The following PRKCA variants were observed in gnomAD, a reference collection of about 807,000 sequenced individuals.
PRKCA encodes the protein protein kinase C alpha type.
Under a neutral mutation model 87.0 loss-of-function variants are expected in PRKCA, and 27 were observed. The observed-to-expected ratio is 0.31, with a 90% CI of 0.23 to 0.43. PRKCA has a LOEUF of 0.43. Among genes scored for constraint, PRKCA ranks in the 20% least tolerant of loss-of-function variants. The pLI is 1.00. For missense variants in PRKCA, 518 were observed against 852.3 expected (o/e 0.61, Z 4.88); for synonymous variants, 329 against 311.1 (o/e 1.06, Z -0.61).
At chr17:66,462,172 G>C (rs533817696) in intron 2 of PRKCA, among the ~76,000 whole-genome samples, 1 of 152,148 alleles carries the variant, frequency 6.6e-6, no homozygotes, top group Non-Finnish European at 1.5e-5. Context: ...GCTGGCTGGT[G>C]CTCTGCGGTT....
chr17:66,784,792 C>T (rs982469041), intron 14 of PRKCA, among the ~76,000 whole-genome samples: 2 of 152,202 alleles, frequency 1.3e-5, no homozygotes, highest in East Asian at 1.9e-4. Context: ...GAAAGCCACA[C>T]GTCCCCCTGA....
At chr17:66,308,874 GCTCT>G (rs1476910589) in intron 2 of PRKCA, among the ~76,000 whole-genome samples, 1 of 144,744 alleles carries the variant, frequency 6.9e-6, no homozygotes, top group East Asian at 2.2e-4. Context: ...TTCTTTTAAT[GCTCT>G]CTAATTTTGT....
chr17:66,530,564 A>C (rs1002118060), intron 3 of PRKCA, among the ~76,000 whole-genome samples: 13 of 152,146 alleles, frequency 8.5e-5, no homozygotes, highest in African/African-American at 3.1e-4. Flanking sequence ...GAGAAAATGA[A>C]TGTTTCCCAG....
chr17:66,618,134 C>T (rs1318028690), intron 3 of PRKCA, among the ~76,000 whole-genome samples: 1 of 152,142 alleles, frequency 6.6e-6, no homozygotes, highest in Non-Finnish European at 1.5e-5. Context: ...GTGGGTGGAT[C>T]ACCTGAGGTC....
At chr17:66,785,753 C>A (rs78685754) in intron 14 of PRKCA, among the ~76,000 whole-genome samples, 1 of 152,240 alleles carries the variant, frequency 6.6e-6, no homozygotes, top group Non-Finnish European at 1.5e-5. Context: ...TGCCTTCATT[C>A]GGCGCTTATT....
chr17:66,675,227 C>A (rs1972294504), intron 5 of PRKCA, among the ~76,000 whole-genome samples: 1 of 152,214 alleles, frequency 6.6e-6, no homozygotes. Flanking sequence ...AGCCCCACAT[C>A]CTCACACGGT....
At chr17:66,311,173 A>T (rs1281775216) in intron 2 of PRKCA, among the ~76,000 whole-genome samples, 1 of 152,198 alleles carries the variant, frequency 6.6e-6, no homozygotes, top group Non-Finnish European at 1.5e-5. Context: ...TTTAGTTCCA[A>T]AAAGATAGAA....
Position 66,805,064 on chromosome 17 carries a change from A to T in PRKCA, c.*1027A>T. On this transcript the variant is annotated 3_prime_UTR_variant, in exon 17 of 17. Transcript: ENST00000413366. ...GTACAGTAACTTAATGGAAGTGCTG[A>T]CTCTAGCATCAGCCTCTACCGATTG... The T allele has an allele frequency of 1.0e-6, 1 of 981,998 alleles. No homozygotes were observed. The highest frequency in any genetic ancestry group is 1.2e-6 in the Non-Finnish European group (1 of 826,832). 60.8% of individuals were successfully genotyped at this position (981,998 alleles called of 1,614,324 possible).
chr17:66,448,083 A>G (rs1438131238), intron 2 of PRKCA, among the ~76,000 whole-genome samples: 1 of 152,236 alleles, frequency 6.6e-6, no homozygotes. Flanking sequence ...AAATTACAGT[A>G]GAAAGCTTAG....
chr17:66,470,312 G>T (rs1321546490), intron 2 of PRKCA, among the ~76,000 whole-genome samples: 3 of 11,710 alleles, frequency 2.6e-4, no homozygotes, highest in Non-Finnish European at 4.1e-4. Context: ...CCCCACCCCC[G>T]CCAACCTGGT....
At chr17:66,329,294 C>T (rs9898072) in intron 2 of PRKCA, among the ~76,000 whole-genome samples, 1,543 of 152,222 alleles carry the variant, frequency 0.01, 21 homozygotes, top group African/African-American at 0.036. Context: ...GACCAGGTTT[C>T]GGGGAAGACC....
chr17:66,454,863 G>A (rs538179478), intron 2 of PRKCA, among the ~76,000 whole-genome samples: 1 of 152,370 alleles, frequency 6.6e-6, no homozygotes, highest in East Asian at 1.9e-4. Flanking sequence ...CCAGGGCAGA[G>A]AAGCTTCTAC....
At chr17:66,642,375 C>T (rs960242443) in intron 4 of PRKCA, among the ~76,000 whole-genome samples, 15 of 152,216 alleles carry the variant, frequency 9.9e-5, no homozygotes, top group Non-Finnish European at 1.9e-4. Context: ...GTGATCCGCC[C>T]GCCTCGGCCT....
At chr17:66,707,895 C>G (rs935289746) in intron 8 of PRKCA, among the ~76,000 whole-genome samples, 3 of 152,198 alleles carry the variant, frequency 2.0e-5, no homozygotes, top group Admixed American at 2.0e-4. Flanking sequence ...TCTTGAGATG[C>G]TGAGTAAGCC....
chr17:66,335,487 T>C (rs527311138), intron 2 of PRKCA, among the ~76,000 whole-genome samples: 56 of 151,692 alleles, frequency 3.7e-4, no homozygotes, highest in African/African-American at 1.4e-3. Flanking sequence ...ATTCTGCGGA[T>C]GGATGATGAT....
intron 3 of PRKCA, among the ~76,000 whole-genome samples, chr17:66,582,415 G>A (rs1412804569): frequency 1.3e-5 from 2 of 152,168 alleles, no homozygotes; most frequent in African/African-American, 2.4e-5. Context: ...GGTGCCAGGT[G>A]GAGATAATGG....
chr17:66,383,806 A>G (rs1027648778), intron 2 of PRKCA, among the ~76,000 whole-genome samples: 13 of 152,104 alleles, frequency 8.5e-5, no homozygotes, highest in African/African-American at 3.1e-4. Context: ...TACAAAAATT[A>G]GCCGGGTGTG....
At chr17:66,711,047 A>G (rs1567989304) in intron 8 of PRKCA, among the ~76,000 whole-genome samples, 3 of 151,472 alleles carry the variant, frequency 2.0e-5, no homozygotes, top group Middle Eastern at 3.4e-3. Context: ...CATCTCAAAA[A>G]TAAATAAATA....
intron 3 of PRKCA, among the ~76,000 whole-genome samples, chr17:66,514,046 T>G (rs1966884193): frequency 6.6e-6 from 1 of 152,210 alleles, no homozygotes; most frequent in Non-Finnish European, 1.5e-5. Context: ...AGAGACCACA[T>G]TCACATAACT....
Sources: allele counts gnomAD v4.1 joint callset (sites outside exome capture counted in the v4.1 genomes callset), GRCh38; gene constraint gnomAD v4.1.1; transcripts MANE v1.5; gene names NCBI Gene and HGNC (gene_info 2026-07-23, HGNC 2026-07-21).